The following OXSR1 variants were observed in gnomAD, a reference collection of about 807,000 sequenced individuals.
OXSR1 encodes the protein oxidative stress responsive kinase 1.
A neutral mutation model predicts 79.8 loss-of-function variants in OXSR1; 24 were observed. That is an observed-to-expected ratio of 0.30 (90% CI 0.22 to 0.42). The LOEUF is 0.42. Among genes scored for constraint, OXSR1 ranks in the 10% least tolerant of loss-of-function variants. OXSR1 has a pLI of 1.00. For synonymous variants in OXSR1, 226 were observed against 209.2 expected (o/e 1.08, Z -0.69); for missense variants, 430 against 618.4 (o/e 0.70, Z 3.23).
intron 5 of OXSR1, among the ~76,000 whole-genome samples, chr3:38,220,738 C>T (rs1702572348): frequency 6.6e-6 from 1 of 152,176 alleles, no homozygotes; most frequent in Non-Finnish European, 1.5e-5. Context: ...ATTCAAGCTT[C>T]ACATTTCTAG....
chr3:38,191,188 G>T (rs1334740698), intron 3 of OXSR1, among the ~76,000 whole-genome samples: 1 of 152,002 alleles, frequency 6.6e-6, no homozygotes, highest in Non-Finnish European at 1.5e-5. Flanking sequence ...TGAGACTACA[G>T]GCATGTACCA....
intron 2 of OXSR1, among the ~76,000 whole-genome samples, chr3:38,185,269 C>T (rs556386491): frequency 1.3e-5 from 2 of 152,272 alleles, no homozygotes; most frequent in East Asian, 3.9e-4. Flanking sequence ...ATCCAAATCA[C>T]AGTTATAACA....
At chr3:38,228,207 G>C (rs1702730946) in intron 8 of OXSR1, among the ~76,000 whole-genome samples, 1 of 152,168 alleles carries the variant, frequency 6.6e-6, no homozygotes, top group South Asian at 2.1e-4. Flanking sequence ...TTTGCACACA[G>C]AAATTGAGTT....
upstream of OXSR1, among the ~76,000 whole-genome samples, chr3:38,164,331 A>C (rs1232794196): frequency 6.6e-6 from 1 of 152,134 alleles, no homozygotes; most frequent in Admixed American, 6.5e-5. Flanking sequence ...ATTTTAGTAG[A>C]GAGGGAGTTT....
At chr3:38,218,026 T>G (rs1365875570) in intron 5 of OXSR1, among the ~76,000 whole-genome samples, 1 of 152,228 alleles carries the variant, frequency 6.6e-6, no homozygotes, top group African/African-American at 2.4e-5. Flanking sequence ...AATGGGCATT[T>G]GAATTGCTTC....
intron 1 of OXSR1, among the ~76,000 whole-genome samples, chr3:38,180,525 CTTTT>C (rs35081111): frequency 3.3e-4 from 36 of 108,964 alleles, no homozygotes; most frequent in African/African-American, 1.2e-3. Context: ...ATAGCTCCAA[CTTTT>C]TTTTTTTTTT....
At chr3:38,252,551 G>C (rs1294833299) in intron 17 of OXSR1, among the ~76,000 whole-genome samples, 159 bp downstream of exon 17, 1 of 152,062 alleles carries the variant, frequency 6.6e-6, no homozygotes, top group Non-Finnish European at 1.5e-5. Context: ...TTCCCTTTGA[G>C]TGGCCACTCT....
chr3:38,248,781 A>T (rs748182383), intron 14 of OXSR1, among the ~76,000 whole-genome samples: 6 of 152,176 alleles, frequency 3.9e-5, no homozygotes, highest in Non-Finnish European at 8.8e-5. Context: ...AGTTACTAGG[A>T]TGTCTTGACA....
rs1433135948 is a variant in OXSR1, at chr3:38,252,824, G to C, written c.1517G>C (p.Gly506Ala). Residue 506 changes from glycine to alanine, a missense_variant, in exon 18 of 18, where the codon GGT becomes GCT. Around this residue, in one of 3 missense-constraint regions of OXSR1, gnomAD observed 276 missense variants for 354.2 expected, o/e 0.78. Coordinates refer to ENST00000311806, the MANE Select transcript of OXSR1 (RefSeq NM_005109.3). Reference protein sequence around the residue: ...NRSVTFKLASGVEGSDIPDDG... With the variant: ...NRSVTFKLASAVEGSDIPDDG... ...ATTTTGTTTGGTTCTTAGGCATCTG[G>C]TGTCGAAGGCTCAGATATTCCTGAT... 4 of 1,612,516 alleles carry C rather than the reference G, an allele frequency of 2.5e-6. No homozygotes were observed. Among genetic ancestry groups the C allele is most frequent in the Non-Finnish European group, 3.4e-6 (4 of 1,178,690 alleles).
At chr3:38,232,115 C>T (rs937167331) in intron 10 of OXSR1, among the ~76,000 whole-genome samples, 4 of 151,678 alleles carry the variant, frequency 2.6e-5, no homozygotes, top group Non-Finnish European at 4.4e-5. Flanking sequence ...TCAAAAAAAA[C>T]AAAAGAAGAG....
At chr3:38,166,252 T>G (rs1376640615) in intron 1 of OXSR1, among the ~76,000 whole-genome samples, 3 of 152,024 alleles carry the variant, frequency 2.0e-5, no homozygotes, top group Non-Finnish European at 4.4e-5. Flanking sequence ...AGAAAGAAAG[T>G]GCAGGTGTGG....
At chr3:38,175,877 C>A (rs1305233549) in intron 1 of OXSR1, among the ~76,000 whole-genome samples, 1 of 152,028 alleles carries the variant, frequency 6.6e-6, no homozygotes, top group Non-Finnish European at 1.5e-5. Flanking sequence ...ATTGAGGAGG[C>A]GTGCCAATGT....
chr3:38,221,896 A>G (rs1702597879), intron 6 of OXSR1, among the ~76,000 whole-genome samples: 4 of 152,210 alleles, frequency 2.6e-5, no homozygotes, highest in Admixed American at 2.6e-4. Context: ...CAGGAATAAT[A>G]TAATTGAGGT....
chr3:38,221,942 A>T (rs1315841764), intron 6 of OXSR1, among the ~76,000 whole-genome samples: 1 of 152,186 alleles, frequency 6.6e-6, no homozygotes, highest in South Asian at 2.1e-4. Flanking sequence ...AATTATACCA[A>T]ATTTTACATA....
intron 4 of OXSR1, among the ~76,000 whole-genome samples, chr3:38,214,570 CTT>C (rs1278810041): frequency 3.9e-5 from 6 of 152,162 alleles, no homozygotes; most frequent in Non-Finnish European, 7.4e-5. Context: ...GTTGGATGAT[CTT>C]TGTCACAAAG....
chr3:38,203,541 G>T (rs2125823206), intron 4 of OXSR1, among the ~76,000 whole-genome samples: 1 of 152,202 alleles, frequency 6.6e-6, no homozygotes, highest in South Asian at 2.1e-4. Context: ...TAGAGATTGG[G>T]TCTTCTTATG....
At chr3:38,181,634 G>A (rs1045769582) in intron 1 of OXSR1, among the ~76,000 whole-genome samples, 2 of 152,312 alleles carry the variant, frequency 1.3e-5, no homozygotes, top group Non-Finnish European at 2.9e-5. Flanking sequence ...ACAGGCGTGA[G>A]CCACCATGCC....
At chr3:38,170,657 A>C (rs1221967570) in intron 1 of OXSR1, among the ~76,000 whole-genome samples, 1 of 152,246 alleles carries the variant, frequency 6.6e-6, no homozygotes, top group Non-Finnish European at 1.5e-5. Flanking sequence ...AATTAGAGGC[A>C]GAGCCAATAC....
intron 4 of OXSR1, among the ~76,000 whole-genome samples, chr3:38,212,293 TTG>T (rs1358326322): frequency 6.6e-6 from 1 of 152,174 alleles, no homozygotes; most frequent in Non-Finnish European, 1.5e-5. Flanking sequence ...CAAAGTCCAT[TTG>T]TGATTTCAAG....
Sources: gnomAD v4.1 joint callset for allele counts (sites outside exome capture counted in the v4.1 genomes callset) on GRCh38, gnomAD v4.1.1 for gene constraint, gnomAD v4.1.1 regional missense constraint, MANE v1.5 for transcripts, NCBI Gene and HGNC (gene_info 2026-07-23, HGNC 2026-07-21) for gene names.